Variants in ECRG4 observed in about 807,000 individuals in gnomAD.
ECRG4 encodes augurin.
ECRG4 carries 18 observed loss-of-function variants against 15.8 expected under a neutral mutation model. That is an observed-to-expected ratio of 1.14 (90% CI 0.79 to 1.69). The LOEUF is 1.69. Among genes scored for constraint, ECRG4 ranks in the 40% most tolerant of loss-of-function variants. The pLI, the probability that ECRG4 is intolerant of heterozygous loss-of-function variation, is 0.00. For synonymous variants in ECRG4, 82 were observed against 73.9 expected, an observed-to-expected ratio of 1.11 and a Z score of -0.56; for missense variants, 200 against 190.9, an observed-to-expected ratio of 1.05 and a Z score of -0.28.
At chr2:106,077,737 C>A in intron 3 of ECRG4, 28 bp from the exon 4 acceptor site, 1 of 1,607,806 alleles carries the variant, frequency 6.2e-7, no homozygotes, top group Non-Finnish European at 8.5e-7. Context: ...TAAATCCATT[C>A]TCTATCATTC....
chr2:106,069,113 T>TTCTTTCTCTTTCTTTCTTTCTTTCTC (rs1676285357), intron 1 of ECRG4, among the ~76,000 whole-genome samples: 2 of 123,972 alleles, frequency 1.6e-5, no homozygotes, highest in African/African-American at 5.7e-5. Context: ...CCTTCCTTCT[T>TTCTTTCTCTTTCTTTCTTTCTTTCTC]TTTCTTTCTT....
chr2:106,077,308 G>A (rs1676507505), intron 3 of ECRG4, among the ~76,000 whole-genome samples: 1 of 152,224 alleles, frequency 6.6e-6, no homozygotes, highest in South Asian at 2.1e-4. Flanking sequence ...ATAGGCCAAT[G>A]CAGTGGTTGA....
At chr2:106,065,869 T>G in intron 1 of ECRG4, 26 bp downstream of exon 1, 4 of 1,462,352 alleles carry the variant, frequency 2.7e-6, no homozygotes, top group Non-Finnish European at 2.7e-6. Context: ...CCAGGCTGAT[T>G]GATAGCGGCA....
rs1345414650 is a variant in ECRG4 at position 106,073,727 on chromosome 2, G to A, written c.128-159G>A. The A allele has an allele frequency of 1.7e-5, 14 of 819,372 alleles. No homozygotes were observed. The East Asian group carries it at 3.0e-4, about 17-fold the overall frequency. 50.8% of individuals were successfully genotyped at this position (819,372 alleles called of 1,614,324 possible). ...CAGGAAGCATGGTGACAGAATCTAC[G>A]AGGCTGTGTCACATTGTCACATGCA... On this transcript the variant is annotated intron_variant, in intron 2 of 3. Coordinates refer to ENST00000238044, the MANE Select transcript of ECRG4 (RefSeq NM_032411.3).
chr2:106,065,522 G>A (rs1411089212), upstream of ECRG4: 2 of 363,392 alleles, frequency 5.5e-6, no homozygotes, highest in African/African-American at 4.3e-5. Flanking sequence ...GGAGCCCAGG[G>A]GCTGCGTTCC....
At chr2:106,074,588 T>G (rs1383334178) in intron 3 of ECRG4, among the ~76,000 whole-genome samples, 2 of 152,216 alleles carry the variant, frequency 1.3e-5, no homozygotes, top group Non-Finnish European at 2.9e-5. Context: ...GTGGACGTAT[T>G]CATTGAATGA....
chr2:106,073,789 C>T (rs1316815474), intron 2 of ECRG4, 97 bp from the exon 3 acceptor site: 9 of 1,433,524 alleles, frequency 6.3e-6, no homozygotes, highest in South Asian at 2.5e-5. Flanking sequence ...CCCTCCTACA[C>T]ATGGTGGTGG....
At chr2:106,068,590 G>A (rs1327067936) in intron 1 of ECRG4, among the ~76,000 whole-genome samples, 2 of 152,146 alleles carry the variant, frequency 1.3e-5, no homozygotes, top group African/African-American at 2.4e-5. Context: ...CAGCCTCATC[G>A]CAAATGCCTA....
chr2:106,074,036 A>C lies in ECRG4; in HGVS notation c.278A>C (p.Asp93Ala). Reference sequence around the variant, plus strand: ...CAGCAGTTTCTCTACATGGGCTTTGACGAAGCGGTAGGTGTTGCCTCCGGC... The same window carrying C: ...CAGCAGTTTCTCTACATGGGCTTTGCCGAAGCGGTAGGTGTTGCCTCCGGC... ...WYQQFLYMGFDEAKFEDDITY... is the reference protein window; with the variant it reads ...WYQQFLYMGFAEAKFEDDITY... Residue 93 changes from aspartate to alanine, a missense_variant, in exon 3 of 4, where the codon GAC (aspartate) becomes GCC (alanine). By Grantham distance (126) the Asp-to-Ala change is moderately radical. Transcript: ENST00000238044. The C allele has an allele frequency of 6.2e-7, 1 of 1,612,670 alleles. No individual in the cohort carries two copies. Among genetic ancestry groups the C allele is most frequent in the East Asian group, 2.2e-5 (1 of 44,874 alleles).
intron 2 of ECRG4, among the ~76,000 whole-genome samples, chr2:106,073,578 G>A (rs1398108867): frequency 6.6e-6 from 1 of 152,218 alleles, no homozygotes. Flanking sequence ...CCCGGGAAAG[G>A]CCTGGGCCCT....
chr2:106,071,988 A>G, intron 2 of ECRG4, 97 bp downstream of exon 2: 2 of 1,059,174 alleles, frequency 1.9e-6, no homozygotes, highest in East Asian at 2.5e-5. Flanking sequence ...TATTTGGAAA[A>G]TCAAAAGTGT....
At chr2:106,077,477 T>C (rs1676510786) in intron 3 of ECRG4, among the ~76,000 whole-genome samples, 1 of 152,200 alleles carries the variant, frequency 6.6e-6, no homozygotes, top group African/African-American at 2.4e-5. Context: ...CCATTTGATT[T>C]ACCAAGAGAG....
intron 1 of ECRG4, among the ~76,000 whole-genome samples, chr2:106,066,991 C>G (rs977505675): frequency 7.1e-6 from 1 of 141,164 alleles, no homozygotes; most frequent in African/African-American, 2.6e-5. Context: ...TTTGTTCTTG[C>G]CACTTTAAGA....
At chr2:106,067,763 A>G (rs1676256161) in intron 1 of ECRG4, among the ~76,000 whole-genome samples, 1 of 152,084 alleles carries the variant, frequency 6.6e-6, no homozygotes, top group Non-Finnish European at 1.5e-5. Flanking sequence ...GATTACAAAC[A>G]TGAACCACCA....
intron 1 of ECRG4, among the ~76,000 whole-genome samples, chr2:106,070,576 C>G (rs571139464): frequency 3.3e-5 from 5 of 152,290 alleles, no homozygotes; most frequent in Admixed American, 6.5e-5. Flanking sequence ...TATTCTTCGC[C>G]CCAACTCCAC....
chr2:106,070,098 C>A (rs1031038769), intron 1 of ECRG4, among the ~76,000 whole-genome samples: 1 of 152,142 alleles, frequency 6.6e-6, no homozygotes, highest in African/African-American at 2.4e-5. Flanking sequence ...CTTATGAAGC[C>A]ATTTCCATGC....
At chr2:106,065,654 C>T (rs1183876799), upstream of ECRG4, 2 of 777,816 alleles carry the variant, frequency 2.6e-6, no homozygotes, top group South Asian at 2.8e-5. Context: ...GGCAGCGACG[C>T]AGGGATAACC....
rs1676522590 is a variant in ECRG4 at position 106,077,989 on chromosome 2, C to A, written c.*63C>A. The A allele has an allele frequency of 1.4e-6, 2 of 1,465,138 alleles. No homozygotes were observed. Among genetic ancestry groups the A allele is most frequent in the Admixed American group, 2.1e-5 (1 of 47,590 alleles). The allele number at this position is 1,465,138 out of a possible 1,614,324, so 90.8% of individuals were successfully genotyped here. On this transcript the variant is annotated 3_prime_UTR_variant, in exon 4 of 4. Transcript: ENST00000238044. ...GATTCTCTTCATGTATCTCCTAATG[C>A]CTTACACTACTTGGTTTCTGATTTG...
chr2:106,073,412 G>A (rs1299634189), intron 2 of ECRG4, among the ~76,000 whole-genome samples: 1 of 152,166 alleles, frequency 6.6e-6, no homozygotes, highest in Non-Finnish European at 1.5e-5. Context: ...TGCTCACCCG[G>A]GGCTCATCAT....
Sources: allele counts gnomAD v4.1 joint callset (sites outside exome capture counted in the v4.1 genomes callset), GRCh38; gene constraint gnomAD v4.1.1; transcripts MANE v1.5; gene names NCBI Gene and HGNC (gene_info 2026-07-23, HGNC 2026-07-21).